ATR: variants seen among roughly 807,000 people sequenced by gnomAD.
ATR encodes the protein serine/threonine-protein kinase ATR.
In ATR, 142 loss-of-function variants were observed where a neutral mutation model predicts 305.3. The observed-to-expected ratio is 0.47, with a 90% CI of 0.41 to 0.53. The LOEUF is 0.53. ATR is among the 20% of genes least tolerant of loss of function. The pLI is 0.00. For synonymous variants in ATR, 1,050 were observed against 1,068.1 expected, an observed-to-expected ratio of 0.98 and a Z score of 0.33; for missense variants, 2,135 against 3,133.1, an observed-to-expected ratio of 0.68 and a Z score of 7.60.
Position 142,562,793 on chromosome 3 carries a change from T to G in ATR, c.609A>C (p.Glu203Asp). The stretch of plus-strand genomic sequence containing the variant: ...CCATTAATAAAGTGACTTCAATAAA[T>G]TCTAAATTTTGCATACTCATCAACT... ...PLQLMSMQNL[E>D]FIEVTLLMVL... Residue 203 changes from glutamate to aspartate, a missense_variant, in exon 4 of 47, where the codon GAA becomes GAC. Coordinates refer to ENST00000350721, the MANE Select transcript of ATR (RefSeq NM_001184.4). The G allele has an allele frequency of 6.2e-7, 1 of 1,606,724 alleles. No individual in the cohort carries two copies. Among genetic ancestry groups the G allele is most frequent in the South Asian group, 1.1e-5 (1 of 89,568 alleles).
chr3:142,547,711 A>G lies in ATR; in HGVS notation c.3357+14T>C, dbSNP rs1413429225. 1.9e-6 allele frequency: 3 copies of G among 1,611,614 alleles called. No homozygotes were observed. In the East Asian group the frequency reaches 6.7e-5, roughly 36 times the overall value. ...AAAAACAAACAAAAAAACCTCATAG[A>G]ACATATTCCTTACCATCAGTTCAGG... On this transcript the variant is annotated intron_variant, in intron 16 of 46. Transcript: ENST00000350721.
At position 142,523,989 on chromosome 3, in the gene ATR, T is replaced by G. The variant is rs985968686; in HGVS notation, c.4152+4A>C. 6 of 1,613,110 alleles carry G rather than the reference T, an allele frequency of 3.7e-6. No individual in the cohort carries two copies. The highest frequency in any genetic ancestry group is 5.1e-6 in the Non-Finnish European group (6 of 1,179,234). On this transcript the variant is annotated splice_donor_region_variant and intron_variant, in intron 22 of 46. Transcript: ENST00000350721. ...TTTTGTCATTCCAAATTTCCACTACTTACCACAAATGTAAAATCTTTTCCT... is the reference window on the plus strand; with the variant it reads ...TTTTGTCATTCCAAATTTCCACTACGTACCACAAATGTAAAATCTTTTCCT...
chr3:142,539,884 T>C (rs368983374), intron 18 of ATR, among the ~76,000 whole-genome samples: 6 of 152,328 alleles, frequency 3.9e-5, no homozygotes, highest in African/African-American at 1.2e-4. Flanking sequence ...GCAATGATCA[T>C]TAATTAATGC....
intron 36 of ATR, among the ~76,000 whole-genome samples, chr3:142,471,103 C>T (rs79893568): frequency 0.018 from 2,733 of 152,202 alleles, 29 homozygotes; most frequent in South Asian, 0.041. Flanking sequence ...AGTAACTTCC[C>T]GTCTCCTTCC....
At chr3:142,557,728 G>C (rs1056978017) in intron 8 of ATR, among the ~76,000 whole-genome samples, 1 of 152,154 alleles carries the variant, frequency 6.6e-6, no homozygotes, top group Non-Finnish European at 1.5e-5. Flanking sequence ...TGCCTCCTGG[G>C]TTCAAGAGAT....
Position 142,449,567 on chromosome 3 carries a change from T to G in ATR, c.7797A>C (p.Leu2599=). 6.2e-7 allele frequency: 1 copy of G among 1,614,172 alleles called. No homozygotes were observed. Among genetic ancestry groups the G allele is most frequent in the Non-Finnish European group, 8.5e-7 (1 of 1,180,006 alleles). Residue 2599 remains leucine (L), a synonymous_variant, in exon 47 of 47, where the codon CTA becomes CTC. Transcript: ENST00000350721. ...TATTTCGAGTCTTGATTACACCTTGTAGTCGCTGCTCAATGTCAAGAACAT... is the reference window on the plus strand; with the variant it reads ...TATTTCGAGTCTTGATTACACCTTGGAGTCGCTGCTCAATGTCAAGAACAT... ...KTHVLDIEQR[L]QGVIKTRNRV...
intron 37 of ATR, 73 bp downstream of exon 37, chr3:142,470,013 G>T: frequency 8.2e-7 from 1 of 1,215,336 alleles, no homozygotes; most frequent in Non-Finnish European, 1.2e-6. Flanking sequence ...AAATTAGACT[G>T]TCCAGCCAAA....
rs1348252405 is a variant in ATR, at chr3:142,497,054, AG to A, written c.5696del (p.Pro1899LeufsTer10). 1 of 1,613,482 alleles carries A rather than the reference AG, an allele frequency of 6.2e-7. No individual in the cohort carries two copies. Among genetic ancestry groups the A allele is most frequent in the Non-Finnish European group, 8.5e-7 (1 of 1,179,772 alleles). On this transcript the variant is annotated frameshift_variant, in exon 33 of 47. Coordinates refer to ENST00000350721, the MANE Select transcript of ATR (RefSeq NM_001184.4). LOFTEE classifies it high-confidence loss of function. ...GTAAAGCCCTCCGGAGAGCCAGGATAGGCTCCTTGGCTCTGTAGGAATTCTG... is the reference window on the plus strand; with the variant it reads ...GTAAAGCCCTCCGGAGAGCCAGGATAGCTCCTTGGCTCTGTAGGAATTCTG... ...MTQNSYRAKE[P>X]ILALRRALLS...
chr3:142,526,477 T>C (rs188558399), intron 21 of ATR, among the ~76,000 whole-genome samples: 24 of 152,128 alleles, frequency 1.6e-4, no homozygotes, highest in African/African-American at 5.5e-4. Context: ...AGTGGGAATG[T>C]TTCTTGTTTC....
chr3:142,556,238 C>T, intron 9 of ATR, 99 bp from the exon 10 acceptor site: 2 of 1,514,140 alleles, frequency 1.3e-6, no homozygotes, highest in Admixed American at 2.0e-5. Context: ...AAAACAAAGC[C>T]TAGAAGGAAA....
chr3:142,519,820 T>G (rs1255388533), intron 23 of ATR, 36 bp from the exon 24 acceptor site: 3 of 1,421,734 alleles, frequency 2.1e-6, no homozygotes, highest in Admixed American at 1.7e-5. Flanking sequence ...AAGTCCACAG[T>G]GAAGCAGATA....
chr3:142,523,418 CA>C (rs1327259679), intron 22 of ATR, among the ~76,000 whole-genome samples: 3 of 149,722 alleles, frequency 2.0e-5, no homozygotes, highest in South Asian at 4.3e-4. Context: ...AGACTCCGTC[CA>C]AAAAAAAACA....
Position 142,491,477 on chromosome 3 carries a change from T to C in ATR, c.6078+1655A>G, listed in dbSNP as rs147561523. On this transcript the variant is annotated intron_variant, in intron 35 of 46. Transcript: ENST00000350721. The stretch of plus-strand genomic sequence containing the variant: ...AGGCAGAGATGGGAGAACTGGAATA[T>C]TTGCTATCAAATTCTGCTGTTAAGT... Among the ~76,000 whole-genome samples the C allele has an allele frequency of 1.1e-3, 166 of 152,266 alleles. 1 individual carries two copies. Among genetic ancestry groups the C allele is most frequent in the African/African-American group, 3.7e-3 (154 of 41,556 alleles).
chr3:142,499,940 C>A (rs377180832), intron 30 of ATR: 27 of 445,384 alleles, frequency 6.1e-5, no homozygotes, highest in South Asian at 4.2e-4. Flanking sequence ...TTCTGATACA[C>A]CATTTAAAAT....
Position 142,469,581 on chromosome 3 carries a change from A to C in ATR, c.6320-12T>G. The C allele has an allele frequency of 6.3e-7, 1 of 1,592,172 alleles. No homozygotes were observed. Among genetic ancestry groups the C allele is most frequent in the Non-Finnish European group, 8.6e-7 (1 of 1,160,362 alleles). ...ATCGGAGCGGCCAGCTGGGGGAAGA[A>C]ATAAGTTTAAAAAACAATAAAGGAA... On this transcript the variant is annotated splice_polypyrimidine_tract_variant and intron_variant, in intron 37 of 46. Coordinates refer to ENST00000350721, the MANE Select transcript of ATR (RefSeq NM_001184.4).
At chr3:142,457,413 A>G (rs2070930321) in intron 45 of ATR, among the ~76,000 whole-genome samples, 191 bp downstream of exon 45, 1 of 152,192 alleles carries the variant, frequency 6.6e-6, no homozygotes, top group Admixed American at 6.5e-5. Flanking sequence ...TGAATATACT[A>G]AAAACCACTG....
chr3:142,521,715 A>G (rs1005605283), intron 23 of ATR, among the ~76,000 whole-genome samples: 1 of 152,180 alleles, frequency 6.6e-6, no homozygotes, highest in African/African-American at 2.4e-5. Flanking sequence ...CTAGAGTTAG[A>G]AGTGGAGCCT....
At position 142,562,872 on chromosome 3, in the gene ATR, C is replaced by T. The variant is rs532495501; in HGVS notation, c.530G>A (p.Arg177Gln). 25 of 1,610,584 alleles carry T rather than the reference C, an allele frequency of 1.6e-5. No homozygotes were observed. The highest frequency in any genetic ancestry group is 2.7e-5 in the African/African-American group (2 of 74,824). The change falls in exon 4 of 47, where the codon CGA becomes CAA. Residue 177 changes from arginine (R) to glutamine (Q), a missense_variant. Transcript: ENST00000350721. The part of the protein sequence containing the change: ...HAVEWPVVMS[R>Q]FLSQLDEHMG... ...GTGTTCATCTAATTGACTTAAAAAT[C>T]GGCTCATGACCACTGGCCATTCCAC...
chr3:142,484,084 A>AC (rs2030738641), intron 36 of ATR, among the ~76,000 whole-genome samples: 1 of 152,202 alleles, frequency 6.6e-6, no homozygotes, highest in Non-Finnish European at 1.5e-5. Flanking sequence ...ATGTCAGGGC[A>AC]CTTTAGGCCT....
Sources: allele counts gnomAD v4.1 joint callset (sites outside exome capture counted in the v4.1 genomes callset), GRCh38; gene constraint gnomAD v4.1.1; transcripts MANE v1.5; gene names NCBI Gene and HGNC (gene_info 2026-07-23, HGNC 2026-07-21).